The following ACTR8 variants were observed in gnomAD, a reference collection of about 807,000 sequenced individuals.
The protein encoded by ACTR8 is actin related protein 8, also known as actin-related protein 8.
ACTR8 carries 70 observed loss-of-function variants against 84.3 expected under a neutral mutation model. The ratio of observed to expected loss-of-function variants is 0.83; its 90% CI spans 0.68 to 1.01. The LOEUF (loss-of-function observed/expected upper bound fraction) is 1.01. Ranked by LOEUF, ACTR8 falls within the 50% of genes least tolerant of loss-of-function variation. The pLI, the probability that ACTR8 is intolerant of heterozygous loss-of-function variation, is 0.00. For synonymous variants in ACTR8, 268 were observed against 275.2 expected, an observed-to-expected ratio of 0.97 and a Z score of 0.26; for missense variants, 672 against 775.4, an observed-to-expected ratio of 0.87 and a Z score of 1.58.
chr3:53,872,276 G>A, intron 10 of ACTR8, 108 bp downstream of exon 10: 1 of 1,215,224 alleles, frequency 8.2e-7, no homozygotes, highest in South Asian at 2.3e-5. Flanking sequence ...AGCTATATCA[G>A]TGTTATTATG....
At chr3:53,877,010 A>G (rs575679873) in intron 5 of ACTR8, among the ~76,000 whole-genome samples, 2 of 152,278 alleles carry the variant, frequency 1.3e-5, no homozygotes, top group African/African-American at 4.8e-5. Context: ...AGTAATAGAG[A>G]CACCAAAGAA....
At position 53,877,358 on chromosome 3, in the gene ACTR8, GTA is replaced by G; in HGVS notation, c.538_539del (p.Tyr180GlnfsTer29). On this transcript the variant is annotated frameshift_variant, in exon 5 of 13. Coordinates refer to ENST00000335754, the MANE Select transcript of ACTR8 (RefSeq NM_022899.5). LOFTEE classifies it high-confidence loss of function. ...CTCTTCTGATAGGCCAGTGAATATT[GTA>G]ACAGTCCAGTGGATTAACATACAAG... ...EALYVNPLDCYNIHWPIRRGQ... is the reference protein window; with the variant it reads ...EALYVNPLDCXNIHWPIRRGQ... 1 of 1,612,726 alleles carries G rather than the reference GTA, an allele frequency of 6.2e-7. No individual in the cohort carries two copies. Among genetic ancestry groups the G allele is most frequent in the Non-Finnish European group, 8.5e-7 (1 of 1,179,612 alleles).
At chr3:53,865,265 G>A (rs148184903), downstream of ACTR8, 353 of 1,610,656 alleles carry the variant, frequency 2.2e-4, 2 homozygotes, top group African/African-American at 4.1e-3. Context: ...GTGTCAGCAG[G>A]AAAAAGATCA....
Position 53,877,208 on chromosome 3 carries a change from G to T in ACTR8, c.684+6C>A. On this transcript the variant is annotated splice_donor_region_variant and intron_variant, in intron 5 of 12. Transcript: ENST00000335754. ...ACAATCCAAATAACTGAGGATTTTA[G>T]CTCACCTTTAAATCTTTCAGTGGGA... The T allele has an allele frequency of 6.3e-7, 1 of 1,587,978 alleles. No individual in the cohort carries two copies. Among genetic ancestry groups the T allele is most frequent in the African/African-American group, 1.4e-5 (1 of 73,700 alleles).
downstream of ACTR8, chr3:53,865,249 C>T (rs1043261): frequency 0.088 from 141,723 of 1,611,796 alleles, 7,228 homozygotes; most frequent in South Asian, 0.18. Context: ...CCATGTCAAG[C>T]AGCAGGTGTC....
Position 53,874,274 on chromosome 3 carries a change from TA to T in ACTR8, c.1001del (p.Leu334Ter). ...GAAGAAGACAATCCATTTTATTTGT[TA>T]ACTGGCATTCTCTGTAAGGGAACCC... ...RAGFPYRECQLTNKMDCLLLQ... is the reference protein window; with the variant it reads ...RAGFPYRECQXTNKMDCLLLQ... On this transcript the variant is annotated frameshift_variant, in exon 8 of 13. Transcript: ENST00000335754. LOFTEE classifies it high-confidence loss of function. 1 of 1,614,250 alleles carries T rather than the reference TA, an allele frequency of 6.2e-7. No individual in the cohort carries two copies. Among genetic ancestry groups the T allele is most frequent in the Non-Finnish European group, 8.5e-7 (1 of 1,180,042 alleles).
chr3:53,860,248 A>G, the ACTR8 span: 1 of 1,567,124 alleles, frequency 6.4e-7, no homozygotes, highest in South Asian at 1.1e-5. Flanking sequence ...ATAATTCTTT[A>G]AAGACATCCT....
the ACTR8 span, chr3:53,861,527 T>A: frequency 6.6e-6 from 1 of 152,218 alleles, no homozygotes; most frequent in Non-Finnish European, 1.5e-5. Flanking sequence ...GTAGCTTTTA[T>A]GTGGGTGCAG....
rs767325955 is a variant in ACTR8, at chr3:53,877,793, A to C, written c.406-42T>G. 8.4e-6 allele frequency: 13 copies of C among 1,548,938 alleles called. No individual in the cohort carries two copies. In the South Asian group the frequency reaches 1.5e-4, roughly 17 times the overall value. On this transcript the variant is annotated intron_variant, in intron 3 of 12. Transcript: ENST00000335754. ...TCAGAAAATTATCTCAATTTATTCA[A>C]GGCGGGGGCAACATAAGGGTCTCCT...
At position 53,872,360 on chromosome 3, in the gene ACTR8, TCTC is replaced by T. The variant is rs1243382276; in HGVS notation, c.1302+21_1302+23del. 6 of 1,544,738 alleles carry T rather than the reference TCTC, an allele frequency of 3.9e-6. No individual in the cohort carries two copies. In the South Asian group the frequency reaches 6.2e-5, roughly 16 times the overall value. The stretch of plus-strand genomic sequence containing the variant: ...CTCCTTCAGGGACAAAACTCTCTCT[TCTC>T]CTACCAGAATTGCTACGGACCTGTT... On this transcript the variant is annotated intron_variant, in intron 10 of 12. Coordinates refer to ENST00000335754, the MANE Select transcript of ACTR8 (RefSeq NM_022899.5).
downstream of ACTR8, among the ~76,000 whole-genome samples, chr3:53,863,093 AC>A (rs1466344598): frequency 1.3e-5 from 2 of 152,046 alleles, no homozygotes; most frequent in Non-Finnish European, 2.9e-5. Flanking sequence ...GATTTTAATT[AC>A]ATTTTTTTCT....
chr3:53,875,335 A>C (rs1699949264), intron 7 of ACTR8, among the ~76,000 whole-genome samples: 1 of 152,192 alleles, frequency 6.6e-6, no homozygotes, highest in South Asian at 2.1e-4. Flanking sequence ...AAGCATCCTG[A>C]GGGGCAGCAA....
Position 53,871,707 on chromosome 3 carries a change from T to TG in ACTR8, c.1303-212dup, listed in dbSNP as rs1699886081. Among the ~76,000 whole-genome samples the TG allele has an allele frequency of 6.6e-5, 10 of 152,328 alleles. 1 individual carries two copies. The South Asian group carries it at 1.9e-3, about 28-fold the overall frequency. On this transcript the variant is annotated intron_variant, in intron 10 of 12. Transcript: ENST00000335754. Reference sequence around the variant, plus strand: ...GACCATTCCAAAGCAAGGTAGCTGCTGGTAGGCAGGGTAGCTCTCAGAACC... The same window carrying TG: ...GACCATTCCAAAGCAAGGTAGCTGCTGGGTAGGCAGGGTAGCTCTCAGAACC...
At chr3:53,859,957 C>T in the ACTR8 span, 2 of 507,482 alleles carry the variant, frequency 3.9e-6, no homozygotes, top group Non-Finnish European at 7.0e-6. Context: ...CTGCAGTGAA[C>T]CGAGATTGCG....
At chr3:53,861,053 A>G in the ACTR8 span, 1 of 152,216 alleles carries the variant, frequency 6.6e-6, no homozygotes, top group African/African-American at 2.4e-5. Context: ...TACTGTGGTG[A>G]GCTCAAGGGT....
chr3:53,880,196 A>C, intron 1 of ACTR8, 87 bp from the exon 2 acceptor site: 1 of 1,328,566 alleles, frequency 7.5e-7, no homozygotes, highest in Non-Finnish European at 1.0e-6. Context: ...AGCTAAACTA[A>C]GAAGCTGACT....
chr3:53,865,427 A>C (rs1699752688), downstream of ACTR8: 1 of 710,670 alleles, frequency 1.4e-6, no homozygotes, highest in African/African-American at 1.8e-5. Context: ...TAATTAAAAC[A>C]TTTTATACCA....
intron 9 of ACTR8, 74 bp downstream of exon 9, chr3:53,872,958 G>A (rs1278242367): frequency 8.6e-7 from 1 of 1,162,604 alleles, no homozygotes; most frequent in African/African-American, 1.5e-5. Flanking sequence ...TTTCCAGCAA[G>A]GGCATATTCT....
intron 12 of ACTR8, 25 bp from the exon 13 acceptor site, chr3:53,868,887 A>G (rs1699838658): frequency 6.2e-7 from 1 of 1,610,270 alleles, no homozygotes; most frequent in Admixed American, 1.7e-5. Flanking sequence ...AAGGCATTTC[A>G]GCCTAATCAC....
Sources: allele counts gnomAD v4.1 joint callset (sites outside exome capture counted in the v4.1 genomes callset), GRCh38; gene constraint gnomAD v4.1.1; transcripts MANE v1.5; gene names NCBI Gene and HGNC (gene_info 2026-07-23, HGNC 2026-07-21).